The following CCDC33 variants were observed in gnomAD, a reference collection of about 807,000 sequenced individuals.
CCDC33 encodes coiled-coil domain containing 33.
A neutral mutation model predicts 91.9 loss-of-function variants in CCDC33; 94 were observed. The ratio of observed to expected loss-of-function variants is 1.02; its 90% CI spans 0.87 to 1.21. The LOEUF (loss-of-function observed/expected upper bound fraction) is 1.21, where lower values mean the gene tolerates loss of function less well. Ranked by LOEUF, CCDC33 falls within the 50% of genes most tolerant of loss-of-function variation. The pLI, the probability that CCDC33 is intolerant of heterozygous loss-of-function variation, is 0.00. For synonymous variants in CCDC33, 396 were observed against 374.5 expected (o/e 1.06, Z -0.66); for missense variants, 940 against 935.5 (o/e 1.00, Z -0.06).
chr15:74,318,816 C>G (rs755372954), intron 11 of CCDC33, among the ~76,000 whole-genome samples: 14 of 152,220 alleles, frequency 9.2e-5, no homozygotes, highest in Non-Finnish European at 1.8e-4. Flanking sequence ...CCCTTAGATG[C>G]CCGTGGTCAC....
Position 74,244,082 on chromosome 15 carries a change from C to T in CCDC33, c.119C>T (p.Thr40Ile). 1 of 1,614,054 alleles carries T rather than the reference C, an allele frequency of 6.2e-7. No homozygotes were observed. The highest frequency in any genetic ancestry group is 8.5e-7 in the Non-Finnish European group (1 of 1,179,982). Residue 40 changes from threonine to isoleucine, a missense_variant, in exon 2 of 19, where the codon ACC (threonine) becomes ATC (isoleucine). Transcript: ENST00000398814. This position sits in a 1 kb window ranked among gnomAD's most constrained non-coding sequence, Gnocchi z 4.2. ...TCTAAGAAGGAGACCATCATGGTCACCCTCCATGGGGCTACCAACCTGCCT... is the reference window on the plus strand; with the variant it reads ...TCTAAGAAGGAGACCATCATGGTCATCCTCCATGGGGCTACCAACCTGCCT... ...SPSKKETIMV[T>I]LHGATNLPAC... is the part of the protein sequence containing the mutation.
upstream of CCDC33, among the ~76,000 whole-genome samples, chr15:74,235,694 C>T (rs1456318403): frequency 6.6e-6 from 1 of 152,178 alleles, no homozygotes; most frequent in Non-Finnish European, 1.5e-5. Flanking sequence ...GCAGCAAATG[C>T]TCTTTGTCTT....
chr15:74,325,573 C>A (rs1414510739), intron 11 of CCDC33, among the ~76,000 whole-genome samples: 1 of 152,226 alleles, frequency 6.6e-6, no homozygotes, highest in African/African-American at 2.4e-5. Context: ...CTGGTCTGGG[C>A]TCCATGGCCC....
chr15:74,207,627 A>G lies in CCDC33; in HGVS notation n.90-1761A>G, dbSNP rs1033189196. ...TACTCAAACCTCAGGTACACCCCCAACTTCGATAGCACGGAAGAGAACACG... is the reference window on the plus strand; with the variant it reads ...TACTCAAACCTCAGGTACACCCCCAGCTTCGATAGCACGGAAGAGAACACG... On this transcript the variant is annotated intron_variant and non_coding_transcript_variant, in intron 1 of 3. Coordinates refer to the CCDC33 transcript ENST00000558645. 53 of 1,424,906 alleles carry G rather than the reference A, an allele frequency of 3.7e-5. No individual in the cohort carries two copies. The East Asian group carries it at 1.3e-3, about 35-fold the overall frequency. 88.3% of individuals were successfully genotyped at this position (1,424,906 alleles called of 1,614,324 possible).
intron 18 of CCDC33, chr15:74,335,406 G>T: frequency 1.7e-6 from 1 of 576,306 alleles, no homozygotes; most frequent in Admixed American, 3.0e-5. Flanking sequence ...TGTGCTTTAG[G>T]ACTGGCTGCG....
At chr15:74,335,511 G>A in intron 18 of CCDC33, 1 of 389,964 alleles carries the variant, frequency 2.6e-6, no homozygotes, top group Non-Finnish European at 4.7e-6. Context: ...CCACGATGTA[G>A]GCTCCACTTT....
At position 74,292,795 on chromosome 15, in the gene CCDC33, TG is replaced by T. The variant is rs774646749; in HGVS notation, c.1096-2957del. Among the ~76,000 whole-genome samples the T allele has an allele frequency of 4.9e-4, 75 of 152,100 alleles. 2 individuals carry two copies. The highest frequency in any genetic ancestry group is 6.8e-3 in the Middle Eastern group (2 of 294). On this transcript the variant is annotated intron_variant, in intron 10 of 18. Transcript: ENST00000398814. ...AGTCTGGCAGGCACTACAGGAAGGG[TG>T]GCTGGAGCAGGAATGGGCAGGATAG...
intron 2 of CCDC33, among the ~76,000 whole-genome samples, chr15:74,253,706 T>C (rs768754234): frequency 2.0e-5 from 3 of 152,156 alleles, no homozygotes; most frequent in Non-Finnish European, 4.4e-5. Flanking sequence ...AATCTACTTA[T>C]GCAAATCCTG....
chr15:74,313,972 G>A (rs964937937), intron 11 of CCDC33, among the ~76,000 whole-genome samples: 10 of 152,140 alleles, frequency 6.6e-5, no homozygotes, highest in Admixed American at 2.0e-4. Flanking sequence ...TCCTTGCCGC[G>A]TGTCCTGTCT....
At chr15:74,250,883 T>C (rs1640663084) in intron 2 of CCDC33, among the ~76,000 whole-genome samples, 2 of 152,184 alleles carry the variant, frequency 1.3e-5, no homozygotes, top group Non-Finnish European at 2.9e-5. Context: ...ATGGTGGTGC[T>C]AGACAGTGTG....
At chr15:74,261,268 G>A (rs1206900482) in intron 2 of CCDC33, among the ~76,000 whole-genome samples, 1 of 152,216 alleles carries the variant, frequency 6.6e-6, no homozygotes, top group Non-Finnish European at 1.5e-5. Context: ...GTGATGAGTG[G>A]GAGCAAGGAG....
intron 11 of CCDC33, chr15:74,304,458 C>T (rs527767577): frequency 3.9e-5 from 6 of 152,374 alleles, no homozygotes; most frequent in African/African-American, 1.4e-4. Flanking sequence ...TTCTCCTCCT[C>T]CATCCATCAC....
At position 74,217,564 on chromosome 15, in the gene CCDC33, TCTTTA is replaced by T. The variant is rs2074478341; in HGVS notation, c.298_302del (p.Thr100AlafsTer8). On this transcript the variant is annotated frameshift_variant, in exon 1 of 3. Transcript: ENST00000635913. LOFTEE classifies it high-confidence loss of function. Reference sequence around the variant, plus strand: ...CTCACCCTCACCAGGAGCAAGTTTATCTTTACTTTGCCCAAAGGTATGAAGTAGGG... The same window carrying T: ...CTCACCCTCACCAGGAGCAAGTTTATCTTTGCCCAAAGGTATGAAGTAGGG... 8.0e-7 allele frequency: 1 copy of T among 1,247,616 alleles called. No individual in the cohort carries two copies. The highest frequency in any genetic ancestry group is 2.6e-5 in the Admixed American group (1 of 39,018). 77.3% of individuals were successfully genotyped at this position (1,247,616 alleles called of 1,614,324 possible). A position where few individuals can be genotyped will look rare whatever the true frequency, so the allele number is the denominator to read the frequency against.
intron 11 of CCDC33, chr15:74,318,461 C>A: frequency 1.8e-6 from 1 of 548,324 alleles, no homozygotes; most frequent in Non-Finnish European, 3.2e-6. Flanking sequence ...CACCCTGGAA[C>A]AAAGGGGAAG....
At chr15:74,315,072 A>C (rs879882373) in intron 11 of CCDC33, among the ~76,000 whole-genome samples, 1 of 152,164 alleles carries the variant, frequency 6.6e-6, no homozygotes, top group African/African-American at 2.4e-5. Context: ...TATGAGCCAG[A>C]CCTGGAGCCA....
chr15:74,210,492 T>G (rs573519514), intron 2 of CCDC33, among the ~76,000 whole-genome samples: 1 of 152,354 alleles, frequency 6.6e-6, no homozygotes, highest in East Asian at 1.9e-4. Context: ...CATATGTGTA[T>G]GTATGTGTGT....
chr15:74,208,022 A>C, intron 1 of CCDC33: 12 of 1,364,364 alleles, frequency 8.8e-6, no homozygotes, highest in African/African-American at 1.5e-5. Flanking sequence ...TGCAATTCTC[A>C]TGCCCCCCTC....
downstream of CCDC33, chr15:74,336,408 C>A (rs748884255): frequency 2.3e-6 from 3 of 1,311,356 alleles, no homozygotes; most frequent in South Asian, 3.7e-5. Context: ...TTGGGAAATA[C>A]GAGGGAGGCT....
intron 2 of CCDC33, among the ~76,000 whole-genome samples, chr15:74,250,746 C>T (rs939629855): frequency 1.3e-5 from 2 of 152,232 alleles, no homozygotes; most frequent in African/African-American, 4.8e-5. Flanking sequence ...ACATAGGAAG[C>T]TGTCACTAAA....
Sources: allele counts gnomAD v4.1 joint callset (sites outside exome capture counted in the v4.1 genomes callset), GRCh38; gene constraint gnomAD v4.1.1; non-coding constraint Gnocchi (gnomAD v3.1); transcripts MANE v1.5; gene names NCBI Gene and HGNC (gene_info 2026-07-23, HGNC 2026-07-21).